ARMC6: variants seen among roughly 807,000 people sequenced by gnomAD.
ARMC6 encodes armadillo repeat-containing protein 6.
A neutral mutation model predicts 49.2 loss-of-function variants in ARMC6; 43 were observed. The ratio of observed to expected loss-of-function variants is 0.87; its 90% CI spans 0.69 to 1.13. The LOEUF is 1.13. ARMC6 is among the 50% of genes most tolerant of loss of function. The pLI is 0.00. For synonymous variants in ARMC6, 262 were observed against 289.6 expected (o/e 0.90, Z 0.97); for missense variants, 627 against 682.0 (o/e 0.92, Z 0.90).
chr19:19,039,569 G>A (rs1469058660), intron 2 of ARMC6, among the ~76,000 whole-genome samples: 1 of 152,160 alleles, frequency 6.6e-6, no homozygotes, highest in Non-Finnish European at 1.5e-5. Flanking sequence ...CCAGTCCCTG[G>A]CAACACCCAG....
At chr19:19,047,833 A>G (rs541723636) in intron 4 of ARMC6, among the ~76,000 whole-genome samples, 7 of 152,208 alleles carry the variant, frequency 4.6e-5, no homozygotes, top group East Asian at 1.9e-4. Context: ...TGAGATATCA[A>G]TCAATACATG....
rs2059497708 is a variant in ARMC6, at chr19:19,051,641, A to G, written c.299A>G (p.Glu100Gly). 1.9e-6 allele frequency: 3 copies of G among 1,605,088 alleles called. No individual in the cohort carries two copies. The highest frequency in any genetic ancestry group is 2.6e-6 in the Non-Finnish European group (3 of 1,175,146). ...DILQMLSDLQESVASSRPQEV... is the reference protein window; with the variant it reads ...DILQMLSDLQGSVASSRPQEV... ...TCCCAGATGCTCAGTGACCTCCAGGAGTCTGTGGCCAGCTCTCGCCCCCAG... is the reference window on the plus strand; with the variant it reads ...TCCCAGATGCTCAGTGACCTCCAGGGGTCTGTGGCCAGCTCTCGCCCCCAG... The change falls in exon 5 of 9, where the codon GAG becomes GGG. Residue 100 changes from glutamate to glycine, a missense_variant. Coordinates refer to ENST00000535612, the MANE Select transcript of ARMC6 (RefSeq NM_001199196.2).
chr19:19,044,286 A>G (rs915505862), intron 4 of ARMC6, among the ~76,000 whole-genome samples: 2 of 152,238 alleles, frequency 1.3e-5, no homozygotes, highest in Admixed American at 1.3e-4. Context: ...CTGTGGTGGC[A>G]TGTATGCTGA....
chr19:19,056,208 G>C (rs2059543286), intron 8 of ARMC6, among the ~76,000 whole-genome samples: 1 of 151,846 alleles, frequency 6.6e-6, no homozygotes, highest in African/African-American at 2.4e-5. Context: ...AGTTTGGAGG[G>C]GCTTTCTGGT....
chr19:19,043,562 G>A (rs985623379), intron 3 of ARMC6, among the ~76,000 whole-genome samples: 12 of 152,178 alleles, frequency 7.9e-5, no homozygotes, highest in African/African-American at 2.9e-4. Flanking sequence ...GGGCCAGTGG[G>A]ACAAGCAAAA....
Position 19,055,934 on chromosome 19 carries a change from C to G in ARMC6, c.1293+6C>G. 6.2e-7 allele frequency: 1 copy of G among 1,605,470 alleles called. No homozygotes were observed. The highest frequency in any genetic ancestry group is 8.5e-7 in the Non-Finnish European group (1 of 1,178,058). On this transcript the variant is annotated splice_donor_region_variant and intron_variant, in intron 8 of 8. Transcript: ENST00000535612. The surrounding 1 kb of genome is among the most constrained non-coding windows in gnomAD (Gnocchi z 5.7). Reference sequence around the variant, plus strand: ...CGCAGAAGGCCGGCGTGCAGGTGGGCAGGGCAGGGGATGGGGGCAGGCAGG... The same window carrying G: ...CGCAGAAGGCCGGCGTGCAGGTGGGGAGGGCAGGGGATGGGGGCAGGCAGG...
At chr19:19,056,053 A>G (rs902203350) in intron 8 of ARMC6, 125 bp downstream of exon 8, 25 of 1,145,084 alleles carry the variant, frequency 2.2e-5, no homozygotes, top group Non-Finnish European at 2.9e-5. Flanking sequence ...CCCTATCCCT[A>G]TCCCTGTCCC....
intron 2 of ARMC6, among the ~76,000 whole-genome samples, chr19:19,035,478 C>T (rs1224941623): frequency 6.6e-6 from 1 of 152,250 alleles, no homozygotes; most frequent in African/African-American, 2.4e-5. Flanking sequence ...TCTTACTTGG[C>T]CATCTCCAGG....
chr19:19,052,262 G>C, intron 5 of ARMC6, 67 bp downstream of exon 5: 1 of 1,446,042 alleles, frequency 6.9e-7, no homozygotes, highest in South Asian at 1.4e-5. Flanking sequence ...CAGAGTGAGG[G>C]TCAGGGCTCA....
At chr19:19,037,647 G>T in intron 2 of ARMC6, 1 of 1,195,874 alleles carries the variant, frequency 8.4e-7, no homozygotes, top group Non-Finnish European at 1.1e-6. Context: ...CACCATGCCT[G>T]GCCTGAAGTG....
intron 4 of ARMC6, among the ~76,000 whole-genome samples, chr19:19,050,226 A>G (rs1333942636): frequency 6.6e-6 from 1 of 152,066 alleles, no homozygotes; most frequent in Admixed American, 6.5e-5. Context: ...GCTGGAGTGC[A>G]ATGGCACGAG....
chr19:19,043,721 G>T (rs949427654), intron 3 of ARMC6, among the ~76,000 whole-genome samples: 1 of 152,164 alleles, frequency 6.6e-6, no homozygotes, highest in African/African-American at 2.4e-5. Flanking sequence ...GCACCTCACT[G>T]CACAGACGTG....
intron 1 of ARMC6, 90 bp from the exon 2 acceptor site, chr19:19,034,040 AT>A (rs1277665146): frequency 3.5e-6 from 2 of 578,822 alleles, no homozygotes; most frequent in Non-Finnish European, 6.1e-6. Context: ...GAAAAAAAAA[AT>A]GAAAGAATTT....
chr19:19,057,326 C>G, intron 8 of ARMC6, 90 bp from the exon 9 acceptor site: 1 of 1,100,926 alleles, frequency 9.1e-7, no homozygotes, highest in Non-Finnish European at 1.3e-6. Context: ...GTTATGATCA[C>G]CTCCATCTTG....
rs371182782 is a variant in ARMC6 at position 19,034,186 on chromosome 19, A to G, written c.-24A>G. 357 of 1,579,108 alleles carry G rather than the reference A, an allele frequency of 2.3e-4. No individual in the cohort carries two copies. The highest frequency in any genetic ancestry group is 2.9e-4 in the Non-Finnish European group (342 of 1,164,582). ...GGGCCCCGTCCTAGGCAGTGGGGACAAGGAGGCTACAGGGTACAAATAAAT... is the reference window on the plus strand; with the variant it reads ...GGGCCCCGTCCTAGGCAGTGGGGACGAGGAGGCTACAGGGTACAAATAAAT... On this transcript the variant is annotated 5_prime_UTR_variant, in exon 2 of 9. Transcript: ENST00000535612.
At chr19:19,051,373 CTCTGTGTGTGTG>C (rs1438895052) in intron 4 of ARMC6, among the ~76,000 whole-genome samples, 3 of 115,164 alleles carry the variant, frequency 2.6e-5, no homozygotes, top group Admixed American at 8.9e-5. Flanking sequence ...CTCTCTCTCT[CTCTGTGTGTGTG>C]TGTGTGTGTG....
At chr19:19,052,642 G>A (rs1376244172) in intron 5 of ARMC6, among the ~76,000 whole-genome samples, 1 of 152,234 alleles carries the variant, frequency 6.6e-6, no homozygotes, top group African/African-American at 2.4e-5. Flanking sequence ...ACCATGGTGA[G>A]CCAGCCCTGG....
rs1022464717 is a variant in ARMC6 at position 19,057,566 on chromosome 19, C to G, written c.1444C>G (p.Leu482Val). The change falls in exon 9 of 9, where the codon CTG becomes GTG. Residue 482 changes from leucine to valine, a missense_variant. Leu to Val is a conservative substitution (Grantham distance 32). Transcript: ENST00000535612. ...EDVAKAALRD[L>V]GCHVELRELW... ...CGTGGCCAAGGCCGCCCTGCGGGAC[C>G]TGGGTTGTCATGTCGAGCTCCGAGA... 6.2e-7 allele frequency: 1 copy of G among 1,613,824 alleles called. No individual in the cohort carries two copies. The highest frequency in any genetic ancestry group is 8.5e-7 in the Non-Finnish European group (1 of 1,180,006).
chr19:19,035,902 A>AG (rs1479597436), intron 2 of ARMC6, among the ~76,000 whole-genome samples: 2 of 152,194 alleles, frequency 1.3e-5, no homozygotes, highest in Non-Finnish European at 2.9e-5. Context: ...ATATAAATGA[A>AG]TATGTGTAAG....
Sources: gnomAD v4.1 joint callset for allele counts (sites outside exome capture counted in the v4.1 genomes callset) on GRCh38, gnomAD v4.1.1 for gene constraint, Gnocchi (gnomAD v3.1) non-coding constraint, MANE v1.5 for transcripts, NCBI Gene and HGNC (gene_info 2026-07-23, HGNC 2026-07-21) for gene names.